The following ASAP1 variants were observed in gnomAD, a reference collection of about 807,000 sequenced individuals.
The protein encoded by ASAP1 is ArfGAP with SH3 domain, ankyrin repeat and PH domain 1, also known as arf-GAP with SH3 domain, ANK repeat and PH domain-containing protein 1.
Under a neutral mutation model 145.2 loss-of-function variants are expected in ASAP1, and 43 were observed. The ratio of observed to expected loss-of-function variants is 0.30; its 90% CI spans 0.23 to 0.38. The LOEUF (loss-of-function observed/expected upper bound fraction) is 0.38. Among genes scored for constraint, ASAP1 ranks in the 10% least tolerant of loss-of-function variants. The probability of loss-of-function intolerance (pLI) is 1.00; values close to 1 mark genes in which losing one functional copy is unlikely to be tolerated. For synonymous variants in ASAP1, 546 were observed against 515.5 expected (o/e 1.06, Z -0.80); for missense variants, 1,018 against 1,355.3 (o/e 0.75, Z 3.91).
At chr8:130,164,954 T>C (rs1370715596) in intron 11 of ASAP1, among the ~76,000 whole-genome samples, 1 of 152,194 alleles carries the variant, frequency 6.6e-6, no homozygotes, top group Non-Finnish European at 1.5e-5. Flanking sequence ...ATCTCAGTCA[T>C]GAAAAATCAC....
chr8:130,425,647 G>A (rs1829889405), intron 1 of ASAP1, among the ~76,000 whole-genome samples: 2 of 152,182 alleles, frequency 1.3e-5, no homozygotes, highest in Admixed American at 6.5e-5. Flanking sequence ...GATCCTGGGA[G>A]CACTGAAGAT....
chr8:130,411,932 A>T (rs535815231), intron 1 of ASAP1, among the ~76,000 whole-genome samples: 14 of 152,252 alleles, frequency 9.2e-5, no homozygotes, highest in African/African-American at 2.9e-4. Flanking sequence ...ACCCTGTCCA[A>T]AGAAAAGGGA....
At chr8:130,159,581 GGTGA>G (rs2097665039) in intron 12 of ASAP1, among the ~76,000 whole-genome samples, 1 of 151,530 alleles carries the variant, frequency 6.6e-6, no homozygotes, top group African/African-American at 2.4e-5. Context: ...CGGAGAGGTG[GGTGA>G]GTATGAGGTC....
intron 3 of ASAP1, among the ~76,000 whole-genome samples, chr8:130,277,087 C>G (rs895250588): frequency 1.3e-5 from 2 of 152,088 alleles, no homozygotes; most frequent in African/African-American, 4.8e-5. Flanking sequence ...CTTTTCAATG[C>G]AGGCACCGAG....
chr8:130,255,852 C>T (rs1047464981), intron 3 of ASAP1, among the ~76,000 whole-genome samples: 3 of 152,138 alleles, frequency 2.0e-5, no homozygotes, highest in Non-Finnish European at 2.9e-5. Flanking sequence ...TTGCAAATTA[C>T]ATGTGAGTGC....
chr8:130,156,707 C>T (rs1186802523), intron 12 of ASAP1, among the ~76,000 whole-genome samples: 9 of 152,176 alleles, frequency 5.9e-5, no homozygotes, highest in Non-Finnish European at 1.3e-4. Context: ...TTTGAGTGTT[C>T]ATACTTACTG....
At position 130,159,956 on chromosome 8, in the gene ASAP1, C is replaced by G. The variant is rs1565032828; in HGVS notation, c.918G>C (p.Gln306His). 8.1e-6 allele frequency: 13 copies of G among 1,613,818 alleles called. No homozygotes were observed. Among genetic ancestry groups the G allele is most frequent in the Non-Finnish European group, 1.1e-5 (13 of 1,179,798 alleles). ...GCATGCTGTATCCTCCTTGCCGGCT[C>G]TGAGAATCCTAGGAAAGAAAAACTA... ...SLQLDQKEDS[Q>H]SRQGGYSMHQ... The change falls in exon 12 of 30, where the codon CAG becomes CAC. Residue 306 changes from glutamine to histidine, a missense_variant. This residue lies in a region of ASAP1 where 62 missense variants were observed against 68.5 expected (regional missense o/e 0.90). Coordinates refer to ENST00000518721, the MANE Select transcript of ASAP1 (RefSeq NM_018482.4).
chr8:130,140,407 G>GT (rs1449895632), intron 13 of ASAP1, among the ~76,000 whole-genome samples: 1 of 151,186 alleles, frequency 6.6e-6, no homozygotes, highest in African/African-American at 2.4e-5. Context: ...ACATGTGAAT[G>GT]TTTATTATGT....
intron 5 of ASAP1, among the ~76,000 whole-genome samples, chr8:130,210,912 A>G (rs1816539564): frequency 6.6e-6 from 1 of 152,218 alleles, no homozygotes; most frequent in Admixed American, 6.5e-5. Context: ...TTTGTCAGGT[A>G]TTATGCTTAG....
chr8:130,083,739 G>C (rs560615016), intron 25 of ASAP1: 52 of 152,314 alleles, frequency 3.4e-4, no homozygotes, highest in African/African-American at 1.2e-3. Flanking sequence ...TACTCAATGA[G>C]TGGTCACTTC....
At chr8:130,128,229 A>G in intron 15 of ASAP1, 139 bp from the exon 16 acceptor site, 1 of 549,126 alleles carries the variant, frequency 1.8e-6, no homozygotes, top group Non-Finnish European at 2.8e-6. Flanking sequence ...CCCTTCCAAA[A>G]TAGCAATAAA....
At chr8:130,299,924 CGTG>C (rs1822519400) in intron 3 of ASAP1, among the ~76,000 whole-genome samples, 2 of 151,960 alleles carry the variant, frequency 1.3e-5, no homozygotes, top group Admixed American at 6.6e-5. Context: ...TACAAATCTT[CGTG>C]GTGGACTGGA....
chr8:130,126,193 G>A, intron 16 of ASAP1, 104 bp from the exon 17 acceptor site: 1 of 1,101,544 alleles, frequency 9.1e-7, no homozygotes, highest in Non-Finnish European at 1.3e-6. Flanking sequence ...TAAGAACTAT[G>A]AAGAAAAGAC....
At chr8:130,134,274 C>A in intron 15 of ASAP1, 22 bp downstream of exon 15, 1 of 1,554,338 alleles carries the variant, frequency 6.4e-7, no homozygotes, top group East Asian at 2.3e-5. Flanking sequence ...AGGCATCGCA[C>A]CTTTATTTCA....
intron 4 of ASAP1, among the ~76,000 whole-genome samples, chr8:130,230,433 T>C (rs534309424): frequency 2.6e-5 from 4 of 152,338 alleles, no homozygotes; most frequent in Admixed American, 2.6e-4. Context: ...CAGCATTCTT[T>C]TGAATCCCTC....
intron 25 of ASAP1, among the ~76,000 whole-genome samples, chr8:130,088,223 C>T (rs573052422): frequency 2.2e-4 from 33 of 152,236 alleles, no homozygotes; most frequent in African/African-American, 6.5e-4. Flanking sequence ...CTCCGCCTCC[C>T]GAATTCAAGC....
chr8:130,215,189 C>T (rs963982509), intron 4 of ASAP1, among the ~76,000 whole-genome samples: 3 of 152,088 alleles, frequency 2.0e-5, no homozygotes, highest in African/African-American at 4.8e-5. Context: ...TGTGAGCCAC[C>T]GCACCTCGCC....
intron 5 of ASAP1, among the ~76,000 whole-genome samples, chr8:130,199,680 C>T (rs895730220): frequency 6.6e-6 from 1 of 152,166 alleles, no homozygotes; most frequent in African/African-American, 2.4e-5. Context: ...CTCTAAGGTA[C>T]CTTCCAGTTG....
chr8:130,130,777 T>C (rs879329322), intron 15 of ASAP1, among the ~76,000 whole-genome samples: 4 of 152,068 alleles, frequency 2.6e-5, no homozygotes, highest in African/African-American at 4.8e-5. Context: ...ACCACCATAG[T>C]GCACGTATGT....
Sources: allele counts gnomAD v4.1 joint callset (sites outside exome capture counted in the v4.1 genomes callset), GRCh38; gene constraint gnomAD v4.1.1; regional missense constraint gnomAD v4.1.1; transcripts MANE v1.5; gene names NCBI Gene and HGNC (gene_info 2026-07-23, HGNC 2026-07-21).